Variants in TMEM132D observed in about 807,000 individuals in gnomAD.
TMEM132D encodes the protein transmembrane protein 132D.
A neutral mutation model predicts 62.3 loss-of-function variants in TMEM132D; 21 were observed. The observed-to-expected ratio is 0.34, with a 90% CI of 0.24 to 0.49. The LOEUF is 0.49. Among genes scored for constraint, TMEM132D ranks in the 20% least tolerant of loss-of-function variants. TMEM132D has a pLI of 0.99. For missense variants in TMEM132D, 1,346 were observed against 1,402.8 expected (o/e 0.96, Z 0.65); for synonymous variants, 621 against 575.6 (o/e 1.08, Z -1.13).
intron 3 of TMEM132D, among the ~76,000 whole-genome samples, chr12:129,503,355 G>A (rs1303755842): frequency 1.3e-5 from 2 of 152,162 alleles, no homozygotes; most frequent in African/African-American, 4.8e-5. Flanking sequence ...TATTCTGAAA[G>A]CAGGCAGGAA....
chr12:129,838,777 A>C (rs1477616212), intron 1 of TMEM132D, among the ~76,000 whole-genome samples: 3 of 152,172 alleles, frequency 2.0e-5, no homozygotes, highest in East Asian at 3.9e-4. Flanking sequence ...GTAATCAAAG[A>C]CAAGCAAATT....
At chr12:129,154,321 A>G (rs901601317) in intron 5 of TMEM132D, among the ~76,000 whole-genome samples, 1 of 152,194 alleles carries the variant, frequency 6.6e-6, no homozygotes, top group African/African-American at 2.4e-5. Context: ...CTTCATTCTC[A>G]TTTTTAGAAA....
At chr12:129,199,191 C>A (rs569819291) in intron 5 of TMEM132D, among the ~76,000 whole-genome samples, 1 of 150,068 alleles carries the variant, frequency 6.7e-6, no homozygotes, top group Admixed American at 6.7e-5. Flanking sequence ...CTCACTGCAG[C>A]CTCGACTTCC....
chr12:129,397,142 T>C (rs1871454410), intron 3 of TMEM132D, among the ~76,000 whole-genome samples: 1 of 152,234 alleles, frequency 6.6e-6, no homozygotes, highest in Admixed American at 6.5e-5. Context: ...GGTTCAAAGA[T>C]GTAGATAGAG....
intron 2 of TMEM132D, among the ~76,000 whole-genome samples, chr12:129,650,155 A>G (rs190527251): frequency 6.6e-6 from 1 of 152,348 alleles, no homozygotes; most frequent in Admixed American, 6.5e-5. Flanking sequence ...CAATGCACAC[A>G]TATATCCATA....
At chr12:129,813,499 C>A (rs1011222046) in intron 1 of TMEM132D, among the ~76,000 whole-genome samples, 1 of 151,200 alleles carries the variant, frequency 6.6e-6, no homozygotes, top group Non-Finnish European at 1.5e-5. Context: ...AGTAGTCAGT[C>A]CAGCCACTCT....
chr12:129,900,477 C>T (rs926073375), intron 1 of TMEM132D, among the ~76,000 whole-genome samples: 3 of 152,190 alleles, frequency 2.0e-5, no homozygotes, highest in African/African-American at 4.8e-5. Flanking sequence ...ACGACACTGC[C>T]GCAGCCCCGC....
intron 4 of TMEM132D, among the ~76,000 whole-genome samples, chr12:129,260,932 T>C (rs1462442137): frequency 6.6e-6 from 1 of 152,236 alleles, no homozygotes; most frequent in East Asian, 1.9e-4. Flanking sequence ...CTGAGGTTAG[T>C]TCCATATCTT....
At position 129,723,697 on chromosome 12, in the gene TMEM132D, T is replaced by C. The variant is rs138890061; in HGVS notation, c.80-22999A>G. ...GCCCCTCTTGTTGCTGGTCTCTGGA[T>C]ACCTCACAGTCCTTCTTATCTTCTT... On this transcript the variant is annotated intron_variant, in intron 1 of 8. Transcript: ENST00000422113. 5.7e-3 allele frequency among the ~76,000 whole-genome samples: 867 copies of C among 152,340 alleles called. 5 individuals carry two copies. The highest frequency in any genetic ancestry group is 0.02 in the African/African-American group (830 of 41,572).
chr12:129,462,802 G>A (rs552744846), intron 3 of TMEM132D, among the ~76,000 whole-genome samples: 17 of 152,286 alleles, frequency 1.1e-4, no homozygotes, highest in Non-Finnish European at 2.1e-4. Flanking sequence ...GAGAATGGGA[G>A]GTTGAGGCAA....
intron 3 of TMEM132D, among the ~76,000 whole-genome samples, chr12:129,476,525 A>T (rs535654630): frequency 6.6e-6 from 1 of 152,254 alleles, no homozygotes; most frequent in African/African-American, 2.4e-5. Context: ...GGGTCAGGTC[A>T]CTCAGACACT....
intron 4 of TMEM132D, among the ~76,000 whole-genome samples, chr12:129,274,114 G>A (rs12819017): frequency 0.31 from 47,545 of 151,270 alleles, 7,695 homozygotes; most frequent in South Asian, 0.36. Context: ...ATTCTAAAAA[G>A]ATATGGAGCT....
intron 4 of TMEM132D, among the ~76,000 whole-genome samples, chr12:129,250,350 A>G (rs1429410590): frequency 3.9e-5 from 6 of 152,244 alleles, no homozygotes; most frequent in Non-Finnish European, 7.3e-5. Context: ...TTTCCATTAA[A>G]GAGAAAGTTA....
At chr12:129,850,989 G>A (rs1873520270) in intron 1 of TMEM132D, among the ~76,000 whole-genome samples, 1 of 152,182 alleles carries the variant, frequency 6.6e-6, no homozygotes, top group South Asian at 2.1e-4. Flanking sequence ...GCAGTTATTG[G>A]TGTGTGTTGA....
intron 2 of TMEM132D, among the ~76,000 whole-genome samples, chr12:129,652,371 A>G (rs1879951342): frequency 6.6e-6 from 1 of 152,212 alleles, no homozygotes. Flanking sequence ...AAAGATGCTC[A>G]CATCCTAAGC....
chr12:129,376,876 A>G (rs531048126), intron 3 of TMEM132D, among the ~76,000 whole-genome samples: 2 of 152,360 alleles, frequency 1.3e-5, no homozygotes, highest in Admixed American at 6.5e-5. Flanking sequence ...ACCAATAGAT[A>G]TACAACTAGG....
intron 2 of TMEM132D, among the ~76,000 whole-genome samples, chr12:129,584,441 T>C (rs1162553472): frequency 6.6e-6 from 1 of 152,234 alleles, no homozygotes; most frequent in Non-Finnish European, 1.5e-5. Flanking sequence ...CCTTCGAGCA[T>C]GGCTATATGA....
chr12:129,302,858 G>A (rs1254968566), intron 4 of TMEM132D, among the ~76,000 whole-genome samples: 1 of 152,186 alleles, frequency 6.6e-6, no homozygotes, highest in Non-Finnish European at 1.5e-5. Flanking sequence ...GAAAGTTGTG[G>A]ATATAAAGCA....
intron 4 of TMEM132D, among the ~76,000 whole-genome samples, chr12:129,250,555 G>A (rs189053718): frequency 7.2e-4 from 109 of 152,272 alleles, no homozygotes; most frequent in Non-Finnish European, 9.7e-4. Context: ...ACCCCTGTGC[G>A]TGGTGGATAA....
Sources: allele counts gnomAD v4.1 joint callset (sites outside exome capture counted in the v4.1 genomes callset), GRCh38; gene constraint gnomAD v4.1.1; transcripts MANE v1.5; gene names NCBI Gene and HGNC (gene_info 2026-07-23, HGNC 2026-07-21).